Variants in CREB5 observed in about 807,000 individuals in gnomAD.
The protein encoded by CREB5 is cyclic AMP-responsive element-binding protein 5.
A neutral mutation model predicts 57.1 loss-of-function variants in CREB5; 19 were observed. The observed-to-expected ratio is 0.33, with a 90% CI of 0.23 to 0.49. CREB5 has a LOEUF of 0.49. CREB5 is among the 20% of genes least tolerant of loss of function. The probability of loss-of-function intolerance (pLI) is 0.99; values close to 1 mark genes in which losing one functional copy is unlikely to be tolerated. For missense variants in CREB5, 579 were observed against 671.6 expected (o/e 0.86, Z 1.52); for synonymous variants, 238 against 238.3 (o/e 1.00, Z 0.01).
At chr7:28,597,674 T>A (rs942558496) in intron 5 of CREB5, among the ~76,000 whole-genome samples, 6 of 152,172 alleles carry the variant, frequency 3.9e-5, no homozygotes, top group African/African-American at 1.4e-4. Context: ...TAGAATGACA[T>A]CAACCTCTCT....
chr7:28,552,321 A>T (rs536555220), intron 4 of CREB5, among the ~76,000 whole-genome samples: 1 of 152,306 alleles, frequency 6.6e-6, no homozygotes, highest in African/African-American at 2.4e-5. Flanking sequence ...TACAGGCATG[A>T]GTGAGCCACC....
At chr7:28,332,601 C>T (rs929278550) in intron 1 of CREB5, among the ~76,000 whole-genome samples, 1 of 152,166 alleles carries the variant, frequency 6.6e-6, no homozygotes, top group South Asian at 2.1e-4. Context: ...CCCCCAGCAA[C>T]CTTCTCCTGG....
intron 4 of CREB5, among the ~76,000 whole-genome samples, chr7:28,510,324 C>A (rs1792655159): frequency 6.6e-6 from 1 of 152,100 alleles, no homozygotes; most frequent in South Asian, 2.1e-4. Context: ...ACAATTATTT[C>A]TTTTTAATTC....
chr7:28,384,711 C>T (rs1787048766), intron 1 of CREB5, among the ~76,000 whole-genome samples: 1 of 151,668 alleles, frequency 6.6e-6, no homozygotes, highest in Non-Finnish European at 1.5e-5. Context: ...CATCAGAGCA[C>T]TGATAGCATA....
At chr7:28,595,099 A>G (rs1796650699) in intron 5 of CREB5, among the ~76,000 whole-genome samples, 2 of 152,180 alleles carry the variant, frequency 1.3e-5, no homozygotes, top group South Asian at 2.1e-4. Context: ...GCTACATAGT[A>G]ATACAAGACC....
At chr7:28,593,389 C>T (rs948339117) in intron 5 of CREB5, among the ~76,000 whole-genome samples, 1 of 152,146 alleles carries the variant, frequency 6.6e-6, no homozygotes, top group African/African-American at 2.4e-5. Flanking sequence ...GGTAGGATTA[C>T]AAGCATGCGC....
At chr7:28,612,813 T>C in intron 5 of CREB5, among the ~76,000 whole-genome samples, 1 of 152,162 alleles carries the variant, frequency 6.6e-6, no homozygotes, top group Non-Finnish European at 1.5e-5. Context: ...GAATTGTTAT[T>C]AGTCGAAGGG....
At chr7:28,485,459 A>G (rs1791509165) in intron 1 of CREB5, among the ~76,000 whole-genome samples, 1 of 151,924 alleles carries the variant, frequency 6.6e-6, no homozygotes, top group South Asian at 2.1e-4. Flanking sequence ...TAATTTTATA[A>G]ATAGATAATA....
At chr7:28,402,354 G>T (rs1009269752) in intron 1 of CREB5, among the ~76,000 whole-genome samples, 2 of 152,058 alleles carry the variant, frequency 1.3e-5, no homozygotes, top group African/African-American at 2.4e-5. Context: ...AAAAGAGCCC[G>T]CATTGCCAAG....
chr7:28,778,350 A>C (rs2128781680), intron 7 of CREB5, among the ~76,000 whole-genome samples: 1 of 152,356 alleles, frequency 6.6e-6, no homozygotes, highest in Middle Eastern at 3.4e-3. Flanking sequence ...ACCAGGTAAC[A>C]CTTCAAGGAC....
chr7:28,775,135 C>G (rs1263214781), intron 7 of CREB5, among the ~76,000 whole-genome samples: 1 of 152,110 alleles, frequency 6.6e-6, no homozygotes, highest in East Asian at 1.9e-4. Flanking sequence ...ACCTAAAATA[C>G]GTTGTGTGGC....
chr7:28,560,983 TGC>T lies in CREB5; in HGVS notation c.292-9380_292-9379del, dbSNP rs1157062756. Reference sequence around the variant, plus strand: ...GTGCGTGTGTGTGTGCGTGTGTGCGTGCGTGTGTGTGCCTGCGTGTGCGTGTG... The same window carrying T: ...GTGCGTGTGTGTGTGCGTGTGTGCGTGTGTGTGTGCCTGCGTGTGCGTGTG... On this transcript the variant is annotated intron_variant, in intron 4 of 10. Transcript: ENST00000357727. Among the ~76,000 whole-genome samples the T allele has an allele frequency of 2.5e-4, 18 of 71,890 alleles. 1 individual carries two copies. Among genetic ancestry groups the T allele is most frequent in the Non-Finnish European group, 3.5e-4 (11 of 31,236 alleles). 47.2% of individuals were successfully genotyped at this position (71,890 alleles called of 152,430 possible).
intron 1 of CREB5, among the ~76,000 whole-genome samples, chr7:28,300,303 C>A (rs1785078464): frequency 6.6e-6 from 1 of 152,062 alleles, no homozygotes; most frequent in Non-Finnish European, 1.5e-5. Context: ...ATTTGCTTGT[C>A]TAATATTTGT....
intron 1 of CREB5, among the ~76,000 whole-genome samples, chr7:28,377,542 T>G (rs1786858237): frequency 6.6e-6 from 1 of 152,062 alleles, no homozygotes; most frequent in South Asian, 2.1e-4. Context: ...AGCCTTCAGA[T>G]TTTTGAAAGA....
At chr7:28,656,408 T>C (rs1401611204) in intron 5 of CREB5, among the ~76,000 whole-genome samples, 1 of 152,200 alleles carries the variant, frequency 6.6e-6, no homozygotes, top group African/African-American at 2.4e-5. Context: ...TTGAGTAATA[T>C]CATGGAGTAC....
chr7:28,407,436 A>T (rs532435731), intron 1 of CREB5, among the ~76,000 whole-genome samples: 27 of 152,318 alleles, frequency 1.8e-4, no homozygotes, highest in Admixed American at 4.6e-4. Flanking sequence ...TAGTTGAGGC[A>T]ACTGAGAACC....
At chr7:28,348,590 A>G (rs1441924834) in intron 1 of CREB5, among the ~76,000 whole-genome samples, 1 of 152,168 alleles carries the variant, frequency 6.6e-6, no homozygotes, top group Admixed American at 6.5e-5. Flanking sequence ...TTTCTGTATA[A>G]TCGAAATTCC....
At chr7:28,410,352 G>A (rs1474874367), upstream of CREB5, 1 of 456,668 alleles carries the variant, frequency 2.2e-6, no homozygotes, top group East Asian at 7.0e-5. Flanking sequence ...GAGCTTTGGC[G>A]GCGCCCAGGC....
chr7:28,526,615 C>T (rs905814619), intron 4 of CREB5, among the ~76,000 whole-genome samples: 1 of 152,190 alleles, frequency 6.6e-6, no homozygotes. Context: ...AAAATAAATC[C>T]TTGCTTTGGG....
Sources: gnomAD v4.1 joint callset for allele counts (sites outside exome capture counted in the v4.1 genomes callset) on GRCh38, gnomAD v4.1.1 for gene constraint, MANE v1.5 for transcripts, NCBI Gene and HGNC (gene_info 2026-07-23, HGNC 2026-07-21) for gene names.